Variants in TTC7A observed in about 807,000 individuals in gnomAD.
TTC7A encodes tetratricopeptide repeat domain 7A.
Under a neutral mutation model 103.7 loss-of-function variants are expected in TTC7A, and 110 were observed. The observed-to-expected ratio is 1.06, with a 90% confidence interval of 0.91 to 1.24. The LOEUF is 1.24. TTC7A is among the 50% of genes most tolerant of loss of function. The pLI is 0.00. For missense variants in TTC7A, 1,340 were observed against 1,116.3 expected (o/e 1.20, Z -2.86); for synonymous variants, 521 against 467.9 (o/e 1.11, Z -1.47).
intron 3 of TTC7A, among the ~76,000 whole-genome samples, chr2:46,961,319 G>A (rs1051106415): frequency 6.6e-6 from 1 of 152,214 alleles, no homozygotes; most frequent in East Asian, 1.9e-4. Context: ...GCTCACGCCT[G>A]TAATCCTAGC....
At chr2:47,069,997 G>C (rs1171623466) in intron 19 of TTC7A, among the ~76,000 whole-genome samples, 1 of 152,224 alleles carries the variant, frequency 6.6e-6, no homozygotes, top group Non-Finnish European at 1.5e-5. Context: ...TGAGGGCAGG[G>C]GTGGGGAGGG....
At chr2:46,987,807 C>CGAGT (rs1234466462) in intron 5 of TTC7A, among the ~76,000 whole-genome samples, 86 of 110,108 alleles carry the variant, frequency 7.8e-4, no homozygotes, top group African/African-American at 2.8e-3. Context: ...TCCCTTTCCG[C>CGAGT]GCGTGTGTGT....
intron 15 of TTC7A, among the ~76,000 whole-genome samples, chr2:47,032,018 G>A (rs186228749): frequency 1.3e-5 from 2 of 152,288 alleles, no homozygotes; most frequent in East Asian, 1.9e-4. Context: ...GGCAGTGTGT[G>A]CCCCTGCTGC....
chr2:46,934,791 T>C (rs879430495), intron 2 of TTC7A, among the ~76,000 whole-genome samples: 23,078 of 55,546 alleles, frequency 0.42, 5,395 homozygotes, highest in East Asian at 0.58. Flanking sequence ...ACTGCTCTTT[T>C]TTTTTTTTTT....
intron 5 of TTC7A, among the ~76,000 whole-genome samples, chr2:46,993,029 G>C (rs1558548824): frequency 6.6e-6 from 1 of 152,230 alleles, no homozygotes; most frequent in Non-Finnish European, 1.5e-5. Flanking sequence ...TGGGGCCATG[G>C]TACTGGGGAC....
At position 46,993,513 on chromosome 2, in the gene TTC7A, T is replaced by C. The variant is rs1351854683; in HGVS notation, c.828T>C (p.Thr276=). 1 of 1,613,924 alleles carries C rather than the reference T, an allele frequency of 6.2e-7. No homozygotes were observed. Among genetic ancestry groups the C allele is most frequent in the African/African-American group, 1.3e-5 (1 of 74,860 alleles). The stretch of plus-strand genomic sequence containing the variant: ...TGCGGACTGTGGAGACCAAAGCAAC[T>C]CAGAACTTCAAAGTGGTAATGTGGG... ...EVLRTVETKA[T]QNFKVMAAKH... Residue 276 remains threonine, a synonymous_variant, in exon 6 of 20, where the codon ACT becomes ACC. Transcript: ENST00000319190.
chr2:46,993,703 C>A (rs1281319365), intron 6 of TTC7A, among the ~76,000 whole-genome samples, 175 bp downstream of exon 6: 1 of 152,150 alleles, frequency 6.6e-6, no homozygotes, highest in African/African-American at 2.4e-5. Context: ...GGAGGTGCGG[C>A]CTCTTTCCCC....
At chr2:47,023,291 G>T in intron 12 of TTC7A, 117 bp from the exon 13 acceptor site, 1 of 1,103,156 alleles carries the variant, frequency 9.1e-7, no homozygotes, top group South Asian at 1.4e-5. Context: ...AAGTTTGCCA[G>T]ATGGGACCCT....
chr2:46,954,062 T>C (rs1480801465), intron 2 of TTC7A, among the ~76,000 whole-genome samples: 2 of 152,290 alleles, frequency 1.3e-5, no homozygotes, highest in South Asian at 4.1e-4. Context: ...TGGTACTGCC[T>C]CCCAGAGTAC....
intron 15 of TTC7A, among the ~76,000 whole-genome samples, chr2:47,042,514 A>T (rs376000024): frequency 1.3e-5 from 2 of 148,238 alleles, no homozygotes; most frequent in African/African-American, 5.0e-5. Flanking sequence ...AAAAAAAAAA[A>T]GGAAATTTCT....
chr2:47,041,647 G>A (rs994437970), intron 15 of TTC7A, among the ~76,000 whole-genome samples: 2 of 152,000 alleles, frequency 1.3e-5, no homozygotes, highest in African/African-American at 4.8e-5. Flanking sequence ...CAGCTGCTCA[G>A]GAGGCTGAGG....
At chr2:47,040,976 G>C (rs1681676985) in intron 15 of TTC7A, among the ~76,000 whole-genome samples, 1 of 152,170 alleles carries the variant, frequency 6.6e-6, no homozygotes, top group African/African-American at 2.4e-5. Flanking sequence ...GGGCATAAAT[G>C]TTGAAAGCTG....
At chr2:46,976,563 T>C (rs868124256) in intron 4 of TTC7A, among the ~76,000 whole-genome samples, 12 of 152,348 alleles carry the variant, frequency 7.9e-5, no homozygotes, top group African/African-American at 1.9e-4. Flanking sequence ...GTTTTTGTGA[T>C]GGGCCATTTT....
At chr2:46,961,679 T>A (rs916380983) in intron 3 of TTC7A, among the ~76,000 whole-genome samples, 2 of 151,188 alleles carry the variant, frequency 1.3e-5, no homozygotes. Flanking sequence ...CCGAGGCGGG[T>A]GGATGACTTG....
At chr2:47,071,900 C>G (rs776641423) in intron 19 of TTC7A, among the ~76,000 whole-genome samples, 5 of 152,254 alleles carry the variant, frequency 3.3e-5, no homozygotes, top group African/African-American at 4.8e-5. Context: ...CGTGTGGAAG[C>G]CACTCCGGCC....
chr2:47,023,634 G>A (rs1244603500), intron 13 of TTC7A, among the ~76,000 whole-genome samples, 169 bp downstream of exon 13: 1 of 152,168 alleles, frequency 6.6e-6, no homozygotes, highest in East Asian at 1.9e-4. Context: ...GGATTGGGCA[G>A]GCAGCCGAGC....
chr2:47,027,625 G>A (rs1482948692), intron 14 of TTC7A, among the ~76,000 whole-genome samples: 5 of 152,238 alleles, frequency 3.3e-5, no homozygotes, highest in Admixed American at 3.3e-4. Context: ...CCCAGCTCTT[G>A]TGTATTCACA....
chr2:46,928,728 C>T (rs1218252675), intron 2 of TTC7A, among the ~76,000 whole-genome samples: 2 of 151,720 alleles, frequency 1.3e-5, no homozygotes, highest in African/African-American at 4.8e-5. Flanking sequence ...TGTGATTGCA[C>T]TACTGCACTC....
At chr2:46,939,711 G>GT (rs1670173460), upstream of TTC7A, among the ~76,000 whole-genome samples, 1 of 152,214 alleles carries the variant, frequency 6.6e-6, no homozygotes, top group African/African-American at 2.4e-5. Flanking sequence ...AATGCCAGGC[G>GT]TGGGGCAAAT....
Sources: gnomAD v4.1 joint callset for allele counts (sites outside exome capture counted in the v4.1 genomes callset) on GRCh38, gnomAD v4.1.1 for gene constraint, MANE v1.5 for transcripts, NCBI Gene and HGNC (gene_info 2026-07-23, HGNC 2026-07-21) for gene names.